NFIA: variants seen among roughly 807,000 people sequenced by gnomAD.
NFIA encodes nuclear factor I A, also known as nuclear factor 1 A-type.
In NFIA, 8 loss-of-function variants were observed where a neutral mutation model predicts 62.8. The ratio of observed to expected loss-of-function variants is 0.13; its 90% CI spans 0.07 to 0.23. The LOEUF (loss-of-function observed/expected upper bound fraction) is 0.23, where lower values mean the gene tolerates loss of function less well. Among genes scored for constraint, NFIA ranks in the 10% least tolerant of loss-of-function variants. The probability of loss-of-function intolerance (pLI) is 1.00; values close to 1 mark genes in which losing one functional copy is unlikely to be tolerated. For missense variants in NFIA, 410 were observed against 642.1 expected, an observed-to-expected ratio of 0.64 and a Z score of 3.91; for synonymous variants, 235 against 238.1, an observed-to-expected ratio of 0.99 and a Z score of 0.12.
At position 61,352,426 on chromosome 1, in the gene NFIA, TTTTG is replaced by T. The variant is rs1437907536; in HGVS notation, c.701-16_701-13del. The T allele has an allele frequency of 6.6e-7, 1 of 1,509,416 alleles. No individual in the cohort carries two copies. The highest frequency in any genetic ancestry group is 1.7e-5 in the Admixed American group (1 of 59,164). 93.5% of individuals were successfully genotyped at this position (1,509,416 alleles called of 1,614,324 possible). The stretch of plus-strand genomic sequence containing the variant: ...TTTTTATCCACAGAATTTAACTGAT[TTTTG>T]TTTGTTTTCTTAATTCTAGCACCAA... On this transcript the variant is annotated intron_variant, in intron 4 of 10. Transcript: ENST00000403491.
chr1:61,365,225 G>A (rs753293231), intron 6 of NFIA, among the ~76,000 whole-genome samples: 2 of 151,896 alleles, frequency 1.3e-5, no homozygotes, highest in African/African-American at 2.4e-5. Flanking sequence ...AGAATCTCAC[G>A]CCCCACCTAG....
chr1:61,183,900 G>T (rs570160310), intron 2 of NFIA, among the ~76,000 whole-genome samples: 1 of 152,084 alleles, frequency 6.6e-6, no homozygotes, highest in Admixed American at 6.5e-5. Flanking sequence ...ACGTACACGT[G>T]CGCAAACTTG....
At chr1:61,119,757 A>G (rs1557578917) in intron 2 of NFIA, among the ~76,000 whole-genome samples, 1 of 152,216 alleles carries the variant, frequency 6.6e-6, no homozygotes, top group Non-Finnish European at 1.5e-5. Context: ...TCTTGGGTGA[A>G]GAAATACTTA....
At chr1:61,337,921 C>T (rs1050327445) in intron 4 of NFIA, among the ~76,000 whole-genome samples, 6 of 152,322 alleles carry the variant, frequency 3.9e-5, no homozygotes, top group Non-Finnish European at 7.3e-5. Context: ...TACTTCTGCC[C>T]ATTTCCTTCC....
At chr1:61,308,638 C>T (rs1225997022) in intron 3 of NFIA, among the ~76,000 whole-genome samples, 1 of 152,202 alleles carries the variant, frequency 6.6e-6, no homozygotes, top group African/African-American at 2.4e-5. Flanking sequence ...TTTAGGTTTA[C>T]ATCCTGGCTT....
intron 10 of NFIA, among the ~76,000 whole-genome samples, chr1:61,445,625 G>A (rs1470886268): frequency 6.6e-6 from 1 of 152,134 alleles, no homozygotes; most frequent in Non-Finnish European, 1.5e-5. Flanking sequence ...CACTGGTTCC[G>A]GGTTTGGGCT....
At chr1:61,159,959 G>A (rs1380211347) in intron 2 of NFIA, among the ~76,000 whole-genome samples, 1 of 152,190 alleles carries the variant, frequency 6.6e-6, no homozygotes, top group African/African-American at 2.4e-5. Flanking sequence ...TGGGATTACA[G>A]GCGTGAGCCA....
intron 2 of NFIA, among the ~76,000 whole-genome samples, chr1:61,195,428 C>A (rs537494810): frequency 3.3e-5 from 5 of 152,244 alleles, no homozygotes; most frequent in Admixed American, 2.0e-4. Flanking sequence ...GTTTGTATTT[C>A]AAGGTCTAGT....
At chr1:61,375,101 T>C (rs370240770) in intron 6 of NFIA, among the ~76,000 whole-genome samples, 103 of 152,310 alleles carry the variant, frequency 6.8e-4, no homozygotes, top group African/African-American at 2.3e-3. Context: ...TTTGGCATCA[T>C]GGTTAGAGAT....
intron 2 of NFIA, among the ~76,000 whole-genome samples, chr1:61,129,319 A>T (rs555078663): frequency 2.8e-4 from 43 of 152,202 alleles, no homozygotes; most frequent in African/African-American, 1.0e-3. Flanking sequence ...TTAGTTTATT[A>T]TGTGTATATC....
chr1:61,201,621 T>C (rs2100590387), intron 2 of NFIA, among the ~76,000 whole-genome samples: 1 of 152,054 alleles, frequency 6.6e-6, no homozygotes. Context: ...GGAGAAAATA[T>C]TAGGTTCAAT....
intron 2 of NFIA, among the ~76,000 whole-genome samples, chr1:61,193,303 C>T (rs951956835): frequency 1.1e-4 from 17 of 152,180 alleles, no homozygotes; most frequent in Admixed American, 9.8e-4. Flanking sequence ...CTATGACTTG[C>T]AGTATTTTTC....
intron 3 of NFIA, among the ~76,000 whole-genome samples, chr1:61,291,223 G>A (rs886716743): frequency 3.3e-5 from 5 of 152,156 alleles, no homozygotes; most frequent in Non-Finnish European, 5.9e-5. Context: ...ACCCCTTTCC[G>A]GTGTTCTTTC....
intron 3 of NFIA, among the ~76,000 whole-genome samples, chr1:61,332,104 A>C (rs896756874): frequency 1.3e-5 from 2 of 152,238 alleles, no homozygotes; most frequent in Non-Finnish European, 2.9e-5. Context: ...ACTAATTCCA[A>C]TCAAATGTTT....
At chr1:61,077,384 G>T (rs1570098231), upstream of NFIA, 4 of 389,342 alleles carry the variant, frequency 1.0e-5, no homozygotes, top group East Asian at 1.5e-4. Flanking sequence ...GCGAGCGAGA[G>T]CGAGACAGTG....
At chr1:61,137,729 C>T (rs955714076) in intron 2 of NFIA, among the ~76,000 whole-genome samples, 5 of 152,064 alleles carry the variant, frequency 3.3e-5, no homozygotes, top group Middle Eastern at 3.2e-3. Context: ...CTACCTCAGG[C>T]GTAGGTGTTT....
chr1:61,099,771 C>T (rs997565839), intron 2 of NFIA, among the ~76,000 whole-genome samples: 2 of 152,194 alleles, frequency 1.3e-5, no homozygotes, highest in East Asian at 1.9e-4. Context: ...AGATCCCAGA[C>T]TTTTGCCCTA....
intron 3 of NFIA, among the ~76,000 whole-genome samples, chr1:61,300,049 T>C (rs568935271): frequency 6.6e-6 from 1 of 152,252 alleles, no homozygotes; most frequent in Admixed American, 6.5e-5. Flanking sequence ...ATCCATGAGC[T>C]GGCCAGGTCC....
chr1:61,107,685 T>C (rs1646627950), intron 2 of NFIA, among the ~76,000 whole-genome samples: 1 of 151,726 alleles, frequency 6.6e-6, no homozygotes, highest in East Asian at 1.9e-4. Flanking sequence ...TACAGTAAAA[T>C]TTATCAATCT....
Sources: gnomAD v4.1 joint callset for allele counts (sites outside exome capture counted in the v4.1 genomes callset) on GRCh38, gnomAD v4.1.1 for gene constraint, MANE v1.5 for transcripts, NCBI Gene and HGNC (gene_info 2026-07-23, HGNC 2026-07-21) for gene names.